CDK19: variants seen among roughly 807,000 people sequenced by gnomAD.
CDK19 encodes cyclin-dependent kinase 19.
A neutral mutation model predicts 68.3 loss-of-function variants in CDK19; 20 were observed. The ratio of observed to expected loss-of-function variants is 0.29; its 90% confidence interval spans 0.21 to 0.43. CDK19 has a LOEUF of 0.43. CDK19 is among the 20% of genes least tolerant of loss of function. The probability of loss-of-function intolerance (pLI) is 1.00; values close to 1 mark genes in which losing one functional copy is unlikely to be tolerated. For synonymous variants in CDK19, 221 were observed against 222.8 expected (o/e 0.99, Z 0.07); for missense variants, 339 against 623.5 (o/e 0.54, Z 4.86).
At chr6:110,813,004 C>T (rs895428968) in intron 1 of CDK19, among the ~76,000 whole-genome samples, 1 of 149,824 alleles carries the variant, frequency 6.7e-6, no homozygotes, top group South Asian at 2.1e-4. Flanking sequence ...TTTTCTTATA[C>T]GTAATACAGT....
At chr6:110,764,231 G>C (rs1779419916) in intron 1 of CDK19, among the ~76,000 whole-genome samples, 1 of 152,120 alleles carries the variant, frequency 6.6e-6, no homozygotes, top group Non-Finnish European at 1.5e-5. Flanking sequence ...CCAGCCAACT[G>C]TTTTGTGGAC....
chr6:110,760,416 A>AG (rs1251638950), intron 1 of CDK19, among the ~76,000 whole-genome samples: 5 of 151,366 alleles, frequency 3.3e-5, no homozygotes, highest in African/African-American at 1.2e-4. Context: ...AAAAAAAAAA[A>AG]AAAAAGCCTC....
At chr6:110,731,948 T>C (rs905711543) in intron 2 of CDK19, among the ~76,000 whole-genome samples, 1 of 152,098 alleles carries the variant, frequency 6.6e-6, no homozygotes, top group African/African-American at 2.4e-5. Context: ...CCTTGAAAGG[T>C]GATAGTACTA....
intron 4 of CDK19, chr6:110,646,591 A>G: frequency 2.0e-6 from 1 of 492,878 alleles, no homozygotes; most frequent in East Asian, 5.3e-5. Context: ...AACCGGGCCA[A>G]CGGCGGAGGG....
chr6:110,734,507 G>A (rs886920085), intron 2 of CDK19, among the ~76,000 whole-genome samples: 2 of 65,244 alleles, frequency 3.1e-5, no homozygotes, highest in Middle Eastern at 0.014. Flanking sequence ...ATAAAACTAA[G>A]AGGGTGAGCA....
At chr6:110,747,726 T>C (rs529058761) in intron 1 of CDK19, among the ~76,000 whole-genome samples, 2 of 152,350 alleles carry the variant, frequency 1.3e-5, no homozygotes, top group African/African-American at 4.8e-5. Context: ...AGCTCAGGCA[T>C]GTTTTAAAAA....
At chr6:110,645,290 A>G (rs1350458971) in intron 4 of CDK19, among the ~76,000 whole-genome samples, 1 of 152,234 alleles carries the variant, frequency 6.6e-6, no homozygotes, top group African/African-American at 2.4e-5. Context: ...TACATATTTG[A>G]AAATTTTTAA....
chr6:110,777,633 C>T (rs1780502594), intron 1 of CDK19, among the ~76,000 whole-genome samples: 1 of 152,150 alleles, frequency 6.6e-6, no homozygotes, highest in Non-Finnish European at 1.5e-5. Context: ...CCAGCAGTTC[C>T]ACTTCTGGGT....
intron 2 of CDK19, among the ~76,000 whole-genome samples, chr6:110,683,271 C>G (rs995436711): frequency 6.6e-6 from 1 of 151,538 alleles, no homozygotes; most frequent in Non-Finnish European, 1.5e-5. Context: ...TTAACCACCA[C>G]TATTTGCAAG....
At chr6:110,646,033 C>A (rs1780548212) in intron 4 of CDK19, 1 of 934,766 alleles carries the variant, frequency 1.1e-6, no homozygotes, top group African/African-American at 1.6e-5. Context: ...GACCTGCGTG[C>A]CATCTACGAA....
At chr6:110,711,837 G>A (rs945242374) in intron 2 of CDK19, among the ~76,000 whole-genome samples, 11 of 152,160 alleles carry the variant, frequency 7.2e-5, no homozygotes, top group East Asian at 3.8e-4. Context: ...GCGTGGTGGC[G>A]GGTGCCTGCA....
chr6:110,762,419 T>G (rs900283007), intron 1 of CDK19, among the ~76,000 whole-genome samples: 1 of 152,196 alleles, frequency 6.6e-6, no homozygotes, highest in Non-Finnish European at 1.5e-5. Flanking sequence ...CAAGTAGCAT[T>G]CATCATATAC....
At chr6:110,680,551 CAAAT>C (rs1771920078) in intron 2 of CDK19, among the ~76,000 whole-genome samples, 1 of 151,818 alleles carries the variant, frequency 6.6e-6, no homozygotes, top group African/African-American at 2.4e-5. Context: ...CTGAAAGAAA[CAAAT>C]GAACAACAAC....
intron 4 of CDK19, among the ~76,000 whole-genome samples, chr6:110,640,669 G>C (rs1282621021): frequency 2.6e-5 from 4 of 152,166 alleles, no homozygotes; most frequent in Non-Finnish European, 5.9e-5. Context: ...TTTGAAAAAT[G>C]GTTAGGCGTG....
chr6:110,770,274 C>A (rs1370091999), intron 1 of CDK19, among the ~76,000 whole-genome samples: 1 of 149,984 alleles, frequency 6.7e-6, no homozygotes, highest in Non-Finnish European at 1.5e-5. Flanking sequence ...CTGATAAAGA[C>A]ATACCCGAGA....
upstream of CDK19, chr6:110,815,489 GAGGCTCCTGGGAAATGAAGTCGCGA>G (rs1254475664): frequency 1.1e-5 from 2 of 181,044 alleles, no homozygotes; most frequent in African/African-American, 2.4e-5. Context: ...CATGGTCGCG[GAGGCTCCTGGGAAATGAAGTCGCGA>G]AGGCCTCAGC....
intron 8 of CDK19, among the ~76,000 whole-genome samples, chr6:110,625,927 AT>A (rs1779062567): frequency 6.6e-6 from 1 of 152,098 alleles, no homozygotes; most frequent in African/African-American, 2.4e-5. Flanking sequence ...CTCTTCCACA[AT>A]TTTCGGTAAG....
At chr6:110,731,050 C>T (rs1776708471) in intron 2 of CDK19, among the ~76,000 whole-genome samples, 1 of 139,350 alleles carries the variant, frequency 7.2e-6, no homozygotes, top group African/African-American at 2.7e-5. Flanking sequence ...AAAACTCCAT[C>T]TCAAACAAAA....
intron 4 of CDK19, among the ~76,000 whole-genome samples, chr6:110,656,910 C>T (rs899092242): frequency 2.0e-5 from 3 of 152,276 alleles, no homozygotes; most frequent in Middle Eastern, 3.4e-3. Context: ...AGGAATAATG[C>T]TACAAAGGTA....
Sources: allele counts gnomAD v4.1 joint callset (sites outside exome capture counted in the v4.1 genomes callset), GRCh38; gene constraint gnomAD v4.1.1; transcripts MANE v1.5; gene names NCBI Gene and HGNC (gene_info 2026-07-23, HGNC 2026-07-21).